The following ADAM22 variants were observed in gnomAD, a reference collection of about 807,000 sequenced individuals.
ADAM22 encodes disintegrin and metalloproteinase domain-containing protein 22.
ADAM22 carries 65 observed loss-of-function variants against 144.6 expected under a neutral mutation model. The observed-to-expected ratio is 0.45, with a 90% CI of 0.37 to 0.55. ADAM22 has a LOEUF of 0.55. ADAM22 is among the 20% of genes least tolerant of loss of function. The pLI, the probability that ADAM22 is intolerant of heterozygous loss-of-function variation, is 0.00. For missense variants in ADAM22, 974 were observed against 1,184.9 expected (o/e 0.82, Z 2.61); for synonymous variants, 391 against 412.6 (o/e 0.95, Z 0.63).
intron 23 of ADAM22, among the ~76,000 whole-genome samples, chr7:88,163,585 T>C (rs911279639): frequency 6.6e-6 from 1 of 152,072 alleles, no homozygotes; most frequent in Non-Finnish European, 1.5e-5. Flanking sequence ...AACAGACTTG[T>C]CAGATTGTAC....
intron 4 of ADAM22, among the ~76,000 whole-genome samples, chr7:88,103,061 T>C (rs1173311211): frequency 6.6e-6 from 1 of 152,140 alleles, no homozygotes; most frequent in East Asian, 1.9e-4. Flanking sequence ...GGTTGCAGTA[T>C]GGTTGAAAAA....
At chr7:88,180,186 A>G (rs1209898832) in intron 27 of ADAM22, among the ~76,000 whole-genome samples, 1 of 152,112 alleles carries the variant, frequency 6.6e-6, no homozygotes, top group African/African-American at 2.4e-5. Context: ...AAGTAGAAAC[A>G]CTAGTTGTCG....
chr7:87,973,268 G>A (rs1850954673), intron 2 of ADAM22, among the ~76,000 whole-genome samples: 1 of 152,122 alleles, frequency 6.6e-6, no homozygotes, highest in Admixed American at 6.5e-5. Context: ...CCATCAAAAA[G>A]TGGGCAAAGG....
At chr7:87,986,336 T>C (rs1185818716) in intron 3 of ADAM22, among the ~76,000 whole-genome samples, 1 of 152,138 alleles carries the variant, frequency 6.6e-6, no homozygotes, top group East Asian at 1.9e-4. Context: ...CAGGGTGGCC[T>C]TGTTGTTAGA....
At chr7:88,005,200 G>A (rs2023533) in intron 3 of ADAM22, among the ~76,000 whole-genome samples, 65,048 of 151,890 alleles carry the variant, frequency 0.43, 14,614 homozygotes, top group East Asian at 0.63. Context: ...TTAAATTTGT[G>A]TATTATAGGG....
At chr7:88,055,774 A>G (rs1274918152) in intron 3 of ADAM22, among the ~76,000 whole-genome samples, 4 of 152,154 alleles carry the variant, frequency 2.6e-5, no homozygotes, top group South Asian at 2.1e-4. Flanking sequence ...CACACCTTTC[A>G]TAACGCTTTT....
intron 31 of ADAM22, among the ~76,000 whole-genome samples, chr7:88,195,531 T>C (rs1586679390): frequency 6.6e-6 from 1 of 152,246 alleles, no homozygotes; most frequent in South Asian, 2.1e-4. Context: ...TTTTATTTTA[T>C]TTGAGATGGA....
chr7:87,955,237 G>T (rs559271214), intron 2 of ADAM22, among the ~76,000 whole-genome samples: 29 of 152,246 alleles, frequency 1.9e-4, no homozygotes, highest in African/African-American at 6.3e-4. Flanking sequence ...CCATTTTTCT[G>T]CTCTGTTTTT....
chr7:87,991,357 T>A (rs906113890), intron 3 of ADAM22, among the ~76,000 whole-genome samples: 6 of 136,342 alleles, frequency 4.4e-5, no homozygotes, highest in African/African-American at 2.8e-5. Context: ...GCCTTATTTT[T>A]TTTTTTTTTT....
intron 2 of ADAM22, among the ~76,000 whole-genome samples, chr7:87,959,335 C>T (rs1407071664): frequency 6.6e-6 from 1 of 152,014 alleles, no homozygotes; most frequent in Non-Finnish European, 1.5e-5. Flanking sequence ...TGTAGCTGGG[C>T]GTTTGGCATA....
chr7:88,012,703 C>CAAGT (rs1361385977), intron 3 of ADAM22, among the ~76,000 whole-genome samples: 1 of 152,136 alleles, frequency 6.6e-6, no homozygotes, highest in African/African-American at 2.4e-5. Flanking sequence ...GGAGGAAGAG[C>CAAGT]AAGTGTTCTA....
chr7:88,009,965 T>C (rs1417287626), intron 3 of ADAM22, among the ~76,000 whole-genome samples: 1 of 152,202 alleles, frequency 6.6e-6, no homozygotes, highest in African/African-American at 2.4e-5. Context: ...TAACTCTACT[T>C]TTCATTTGTC....
At chr7:87,939,110 A>G (rs1841957612) in intron 2 of ADAM22, among the ~76,000 whole-genome samples, 1 of 152,156 alleles carries the variant, frequency 6.6e-6, no homozygotes, top group Non-Finnish European at 1.5e-5. Flanking sequence ...GATTTTCTGG[A>G]GGTGATCACA....
In ADAM22 at chr7:87,934,388, C is replaced by G; in HGVS notation, c.-78C>G. 3 of 1,434,842 alleles carry G rather than the reference C, an allele frequency of 2.1e-6. No homozygotes were observed. 88.9% of individuals were successfully genotyped at this position (1,434,842 alleles called of 1,614,324 possible). A position where few individuals can be genotyped will look rare whatever the true frequency, so the allele number is the denominator to read the frequency against. On this transcript the variant is annotated 5_prime_UTR_variant, in exon 1 of 32. Transcript: ENST00000413139. Reference sequence around the variant, plus strand: ...GGTGGCCGCGGGGACCCCGGGGGCGCGGAGCGAGGGAAACGGACTCGGCGG... The same window carrying G: ...GGTGGCCGCGGGGACCCCGGGGGCGGGGAGCGAGGGAAACGGACTCGGCGG...
At chr7:87,995,322 G>A (rs1035401963) in intron 3 of ADAM22, among the ~76,000 whole-genome samples, 10 of 152,148 alleles carry the variant, frequency 6.6e-5, no homozygotes, top group Non-Finnish European at 1.2e-4. Context: ...AGCTAACACA[G>A]GCCATAAATT....
At chr7:87,984,742 G>A (rs1210552187) in intron 3 of ADAM22, among the ~76,000 whole-genome samples, 3 of 152,026 alleles carry the variant, frequency 2.0e-5, no homozygotes, top group Non-Finnish European at 2.9e-5. Flanking sequence ...GTGCAATGGC[G>A]TGATCTCGGC....
chr7:88,150,914 T>C, intron 18 of ADAM22, 67 bp from the exon 19 acceptor site: 1 of 1,319,718 alleles, frequency 7.6e-7, no homozygotes, highest in Non-Finnish European at 1.1e-6. Flanking sequence ...AGTGAAAACA[T>C]TAAAGGGTTT....
chr7:88,038,781 T>C (rs1380365632), intron 3 of ADAM22, among the ~76,000 whole-genome samples: 2 of 151,368 alleles, frequency 1.3e-5, no homozygotes, highest in African/African-American at 4.9e-5. Flanking sequence ...TTCTTCTTCT[T>C]CTTCTTTTTT....
At chr7:88,148,850 A>G (rs1837396787) in intron 17 of ADAM22, 127 bp from the exon 18 acceptor site, 1 of 658,736 alleles carries the variant, frequency 1.5e-6, no homozygotes, top group East Asian at 3.0e-5. Context: ...TGGTTTTGAC[A>G]GATTACCATC....
Sources: gnomAD v4.1 joint callset for allele counts (sites outside exome capture counted in the v4.1 genomes callset) on GRCh38, gnomAD v4.1.1 for gene constraint, MANE v1.5 for transcripts, NCBI Gene and HGNC (gene_info 2026-07-23, HGNC 2026-07-21) for gene names.